MECOM: variants seen among roughly 807,000 people sequenced by gnomAD.
MECOM encodes MDS1 and EVI1 complex locus, also known as histone-lysine N-methyltransferase MECOM.
In MECOM, 13 loss-of-function variants were observed where a neutral mutation model predicts 116.3. The ratio of observed to expected loss-of-function variants is 0.11; its 90% CI spans 0.07 to 0.18. MECOM has a LOEUF of 0.18. Ranked by LOEUF, MECOM falls within the 10% of genes least tolerant of loss-of-function variation. The probability of loss-of-function intolerance (pLI) is 1.00; values close to 1 mark genes in which losing one functional copy is unlikely to be tolerated. For missense variants in MECOM, 1,299 were observed against 1,509.0 expected (o/e 0.86, Z 2.31); for synonymous variants, 528 against 535.2 (o/e 0.99, Z 0.19).
At chr3:169,479,030 A>C (rs1750889508) in intron 1 of MECOM, among the ~76,000 whole-genome samples, 1 of 152,202 alleles carries the variant, frequency 6.6e-6, no homozygotes, top group African/African-American at 2.4e-5. Context: ...ACTGAATGGG[A>C]GGGCCACAGT....
intron 1 of MECOM, among the ~76,000 whole-genome samples, chr3:169,502,900 C>T (rs1009776598): frequency 6.6e-6 from 1 of 152,030 alleles, no homozygotes; most frequent in Non-Finnish European, 1.5e-5. Context: ...TTATCAATGC[C>T]TACTGTTGAC....
intron 1 of MECOM, among the ~76,000 whole-genome samples, chr3:169,485,917 ATATATAGTATATATAG>A (rs1301092522): frequency 1.1e-5 from 1 of 89,722 alleles, no homozygotes; most frequent in African/African-American, 5.2e-5. Flanking sequence ...ATATGTATGT[ATATATAGTATATATAG>A]TATATATGTA....
At chr3:169,318,448 G>T (rs1720179529) in intron 2 of MECOM, among the ~76,000 whole-genome samples, 1 of 152,172 alleles carries the variant, frequency 6.6e-6, no homozygotes, top group Non-Finnish European at 1.5e-5. Flanking sequence ...CCATCAAAAA[G>T]TGGGTGAAGG....
At chr3:169,184,559 A>G (rs1466938266) in intron 2 of MECOM, among the ~76,000 whole-genome samples, 1 of 152,196 alleles carries the variant, frequency 6.6e-6, no homozygotes, top group African/African-American at 2.4e-5. Flanking sequence ...ACCCAGAAAT[A>G]TTGAACAAGT....
At chr3:169,314,989 C>T (rs1054510500) in intron 2 of MECOM, among the ~76,000 whole-genome samples, 1 of 152,132 alleles carries the variant, frequency 6.6e-6, no homozygotes, top group Non-Finnish European at 1.5e-5. Context: ...CTGTGTAGTT[C>T]CCATGCCTTC....
At chr3:169,422,435 A>G (rs1401089866) in intron 1 of MECOM, among the ~76,000 whole-genome samples, 2 of 152,164 alleles carry the variant, frequency 1.3e-5, no homozygotes, top group Admixed American at 1.3e-4. Flanking sequence ...TATTCATATA[A>G]TACAGCAAAT....
chr3:169,447,317 A>G (rs1024613212), intron 1 of MECOM, among the ~76,000 whole-genome samples: 4 of 152,148 alleles, frequency 2.6e-5, no homozygotes, highest in African/African-American at 9.7e-5. Flanking sequence ...GAAGGTGGCC[A>G]GGCAAAGCAG....
At chr3:169,126,979 T>G (rs549766031) in intron 5 of MECOM, among the ~76,000 whole-genome samples, 1 of 152,228 alleles carries the variant, frequency 6.6e-6, no homozygotes, top group East Asian at 1.9e-4. Context: ...AAATTCTGAT[T>G]ACAAGTTTCA....
chr3:169,187,471 C>G (rs1188469854), intron 2 of MECOM, among the ~76,000 whole-genome samples: 1 of 152,028 alleles, frequency 6.6e-6, no homozygotes, highest in Non-Finnish European at 1.5e-5. Context: ...CCATTGGAAA[C>G]AGAACTACTT....
In MECOM at chr3:169,260,884, T is replaced by C. The variant is rs186528126; in HGVS notation, c.376-117052A>G. Among the ~76,000 whole-genome samples, 55 of 152,338 alleles carry C rather than the reference T, an allele frequency of 3.6e-4. 1 individual carries two copies. The East Asian group carries it at 9.8e-3, about 27-fold the overall frequency. On this transcript the variant is annotated intron_variant, in intron 2 of 16. Coordinates refer to ENST00000651503, the MANE Select transcript of MECOM (RefSeq NM_004991.4). The stretch of plus-strand genomic sequence containing the variant: ...ATCACTGAATATTTAAAAGTTATAC[T>C]TCAGACAAGTATTTAATCATTAATG...
chr3:169,485,984 AG>A (rs1184745977), intron 1 of MECOM, among the ~76,000 whole-genome samples: 31 of 101,818 alleles, frequency 3.0e-4, no homozygotes, highest in Admixed American at 8.9e-4. Flanking sequence ...ATATATATAT[AG>A]TATATATATG....
rs769060298 is a variant in MECOM at position 169,090,158 on chromosome 3, A to G, written c.3243T>C (p.Val1081=). 6.2e-7 allele frequency: 1 copy of G among 1,613,450 alleles called. No individual in the cohort carries two copies. The highest frequency in any genetic ancestry group is 8.5e-7 in the Non-Finnish European group (1 of 1,179,598). ...QNSDLLDDEE[V]EDEVLLDEED... Reference sequence around the variant, plus strand: ...CCTCATCTAACAACACCTCATCTTCAACTTCTTCATCATCCAGCAAGTCTG... The same window carrying G: ...CCTCATCTAACAACACCTCATCTTCGACTTCTTCATCATCCAGCAAGTCTG... Residue 1081 remains valine (V), a synonymous_variant, in exon 15 of 17, where the codon GTT becomes GTC. Coordinates refer to ENST00000651503, the MANE Select transcript of MECOM (RefSeq NM_004991.4).
At chr3:169,483,895 T>C in intron 1 of MECOM, 1 of 1,609,988 alleles carries the variant, frequency 6.2e-7, no homozygotes, top group East Asian at 2.2e-5. Context: ...CCACCAAGGT[T>C]CCCAGCTTTT....
intron 2 of MECOM, among the ~76,000 whole-genome samples, chr3:169,317,442 T>A (rs981095394): frequency 6.6e-6 from 1 of 152,200 alleles, no homozygotes; most frequent in Non-Finnish European, 1.5e-5. Flanking sequence ...ACTGAAAGGT[T>A]TCACTTGAAA....
At chr3:169,119,755 C>G (rs373484874) in intron 7 of MECOM, among the ~76,000 whole-genome samples, 2 of 152,054 alleles carry the variant, frequency 1.3e-5, no homozygotes, top group Non-Finnish European at 2.9e-5. Context: ...GTCAGGAATG[C>G]CTTTTTGCGA....
intron 1 of MECOM, among the ~76,000 whole-genome samples, chr3:169,488,503 A>C (rs1031252219): frequency 6.6e-6 from 1 of 152,026 alleles, no homozygotes; most frequent in African/African-American, 2.4e-5. Context: ...CCGAGATTGC[A>C]CCACTGCACT....
intron 1 of MECOM, among the ~76,000 whole-genome samples, chr3:169,605,079 G>A (rs574448244): frequency 6.6e-6 from 1 of 152,236 alleles, no homozygotes; most frequent in Non-Finnish European, 1.5e-5. Flanking sequence ...ACGGATGGAA[G>A]GTCAGAAAAC....
At chr3:169,417,415 T>C (rs1375533239) in intron 1 of MECOM, among the ~76,000 whole-genome samples, 3 of 152,090 alleles carry the variant, frequency 2.0e-5, no homozygotes, top group Non-Finnish European at 4.4e-5. Context: ...GAGATACCAT[T>C]TCACACCACT....
chr3:169,208,514 C>T (rs1371536230), intron 2 of MECOM, among the ~76,000 whole-genome samples: 1 of 151,762 alleles, frequency 6.6e-6, no homozygotes, highest in Admixed American at 6.6e-5. Flanking sequence ...TAATGTCAAT[C>T]TAATAGCATT....
Sources: allele counts gnomAD v4.1 joint callset (sites outside exome capture counted in the v4.1 genomes callset), GRCh38; gene constraint gnomAD v4.1.1; transcripts MANE v1.5; gene names NCBI Gene and HGNC (gene_info 2026-07-23, HGNC 2026-07-21).